Variants in GRID2 observed in about 807,000 individuals in gnomAD.
The protein encoded by GRID2 is glutamate ionotropic receptor delta type subunit 2.
GRID2 carries 33 observed loss-of-function variants against 114.8 expected under a neutral mutation model. The observed-to-expected ratio is 0.29, with a 90% CI of 0.22 to 0.38. GRID2 has a LOEUF of 0.38. GRID2 is among the 10% of genes least tolerant of loss of function. The pLI is 1.00. For synonymous variants in GRID2, 505 were observed against 449.9 expected (o/e 1.12, Z -1.55); for missense variants, 1,184 against 1,257.7 (o/e 0.94, Z 0.89).
At chr4:92,572,659 C>T (rs1006833992) in intron 1 of GRID2, among the ~76,000 whole-genome samples, 3 of 152,122 alleles carry the variant, frequency 2.0e-5, no homozygotes, top group African/African-American at 7.2e-5. Context: ...GTATGTTGAA[C>T]CATCCTTGCA....
intron 2 of GRID2, among the ~76,000 whole-genome samples, chr4:92,806,132 A>C (rs1740397263): frequency 6.6e-6 from 1 of 151,262 alleles, no homozygotes; most frequent in South Asian, 2.1e-4. Context: ...TCTTTGCTAT[A>C]AACTATGTCA....
At chr4:93,591,748 T>C (rs554645833) in intron 13 of GRID2, among the ~76,000 whole-genome samples, 2 of 152,350 alleles carry the variant, frequency 1.3e-5, no homozygotes, top group Non-Finnish European at 2.9e-5. Flanking sequence ...GTTATTGGTG[T>C]ATTCAGAGAT....
intron 14 of GRID2, among the ~76,000 whole-genome samples, chr4:93,714,139 T>A (rs1232055502): frequency 1.3e-5 from 2 of 152,046 alleles, no homozygotes; most frequent in East Asian, 3.9e-4. Flanking sequence ...CCTCCCTGTG[T>A]CCGTGCGTTC....
rs75692657 is a variant in GRID2 at position 93,657,774 on chromosome 4, A to C, written c.2360+31339A>C. 5.5e-4 allele frequency among the ~76,000 whole-genome samples: 84 copies of C among 152,324 alleles called. 1 individual carries two copies. Among genetic ancestry groups the C allele is most frequent in the African/African-American group, 2.0e-3 (84 of 41,572 alleles). On this transcript the variant is annotated intron_variant, in intron 14 of 15. Coordinates refer to ENST00000282020, the MANE Select transcript of GRID2 (RefSeq NM_001510.4). Reference sequence around the variant, plus strand: ...AGTTCTTACTCAAAATGTTCTACTTAAGCCTCTCCTTGGGGGACTGTCTCC... The same window carrying C: ...AGTTCTTACTCAAAATGTTCTACTTCAGCCTCTCCTTGGGGGACTGTCTCC...
At chr4:92,329,306 C>T (rs1324855063) in intron 1 of GRID2, among the ~76,000 whole-genome samples, 1 of 151,872 alleles carries the variant, frequency 6.6e-6, no homozygotes. Context: ...TCTATTTAAA[C>T]TTTGGAGTTT....
At chr4:93,441,216 C>G (rs1721591211) in intron 10 of GRID2, among the ~76,000 whole-genome samples, 1 of 151,878 alleles carries the variant, frequency 6.6e-6, no homozygotes, top group African/African-American at 2.4e-5. Flanking sequence ...AAGATAACAT[C>G]CAAGCATATA....
At position 92,995,047 on chromosome 4, in the gene GRID2, A is replaced by G. The variant is rs1268493169; in HGVS notation, c.245-89948A>G. On this transcript the variant is annotated intron_variant, in intron 2 of 15. Coordinates refer to ENST00000282020, the MANE Select transcript of GRID2 (RefSeq NM_001510.4). The stretch of plus-strand genomic sequence containing the variant: ...CCAACACACAACTGTCCTTGGAGGA[A>G]TAAAAGGTTTGCCTTTGCCTTTCTC... Among the ~76,000 whole-genome samples, 4 of 152,226 alleles carry G rather than the reference A, an allele frequency of 2.6e-5. No homozygotes were observed. In the South Asian group the frequency reaches 8.3e-4, roughly 31 times the overall value.
At chr4:92,639,497 C>CT (rs1238946486) in intron 2 of GRID2, among the ~76,000 whole-genome samples, 2 of 151,726 alleles carry the variant, frequency 1.3e-5, no homozygotes, top group African/African-American at 4.8e-5. Context: ...AAAGATCTAG[C>CT]TTCAAGTTCT....
At chr4:93,349,059 C>T (rs1760528935) in intron 8 of GRID2, among the ~76,000 whole-genome samples, 1 of 152,064 alleles carries the variant, frequency 6.6e-6, no homozygotes, top group Non-Finnish European at 1.5e-5. Flanking sequence ...TTGATAGATG[C>T]AGTCAGAATG....
intron 4 of GRID2, among the ~76,000 whole-genome samples, chr4:93,199,743 C>A (rs147826075): frequency 6.6e-6 from 1 of 152,278 alleles, no homozygotes; most frequent in Non-Finnish European, 1.5e-5. Flanking sequence ...TATCCCCATG[C>A]TGCCCAGTGT....
At chr4:92,770,361 CA>C (rs1197467851) in intron 2 of GRID2, among the ~76,000 whole-genome samples, 5 of 152,190 alleles carry the variant, frequency 3.3e-5, no homozygotes, top group African/African-American at 1.2e-4. Context: ...AACATTCCCA[CA>C]TTTTCCTTTC....
At chr4:92,973,595 T>G (rs1560759522) in intron 2 of GRID2, among the ~76,000 whole-genome samples, 2 of 152,090 alleles carry the variant, frequency 1.3e-5, no homozygotes. Flanking sequence ...CTGGAACAAG[T>G]GTAGGAAGAT....
intron 2 of GRID2, among the ~76,000 whole-genome samples, chr4:92,933,929 C>T (rs1750435187): frequency 6.6e-6 from 1 of 151,588 alleles, no homozygotes; most frequent in South Asian, 2.1e-4. Flanking sequence ...TAATTATTTA[C>T]ATTAGAAGCA....
intron 8 of GRID2, among the ~76,000 whole-genome samples, chr4:93,314,537 C>T (rs1435709107): frequency 6.6e-6 from 1 of 151,914 alleles, no homozygotes; most frequent in African/African-American, 2.4e-5. Flanking sequence ...AAATGTTCTC[C>T]CAGGCAAAAT....
intron 8 of GRID2, among the ~76,000 whole-genome samples, chr4:93,351,625 T>G (rs775243533): frequency 2.0e-5 from 3 of 152,060 alleles, no homozygotes; most frequent in Non-Finnish European, 4.4e-5. Flanking sequence ...TCAGTGATAA[T>G]AGGAAGGGCA....
chr4:93,765,368 C>T (rs1733561360), intron 14 of GRID2, among the ~76,000 whole-genome samples: 1 of 151,936 alleles, frequency 6.6e-6, no homozygotes, highest in East Asian at 1.9e-4. Flanking sequence ...TCTGTACATC[C>T]CCAAAGATGA....
Position 93,644,523 on chromosome 4 carries a change from G to C in GRID2, c.2360+18088G>C, listed in dbSNP as rs1721930012. The stretch of plus-strand genomic sequence containing the variant: ...TTCTGATGATTTTTCTCAATTTTCT[G>C]TGTATTTTCCATTAATGAACCAAGA... On this transcript the variant is annotated intron_variant, in intron 14 of 15. Coordinates refer to ENST00000282020, the MANE Select transcript of GRID2 (RefSeq NM_001510.4). 2.0e-5 allele frequency among the ~76,000 whole-genome samples: 3 copies of C among 152,044 alleles called. 1 individual carries two copies. In the South Asian group the frequency reaches 6.2e-4, roughly 32 times the overall value.
chr4:93,499,713 G>A (rs983163810), intron 12 of GRID2, among the ~76,000 whole-genome samples: 1 of 151,914 alleles, frequency 6.6e-6, no homozygotes, highest in Non-Finnish European at 1.5e-5. Context: ...CACTGCTAGA[G>A]TGCCTCTCAG....
chr4:92,790,402 A>G (rs1263959978), intron 2 of GRID2, among the ~76,000 whole-genome samples: 1 of 151,822 alleles, frequency 6.6e-6, no homozygotes, highest in Non-Finnish European at 1.5e-5. Flanking sequence ...AACATTAGAA[A>G]AAAATGTGTC....
Sources: gnomAD v4.1 joint callset for allele counts (sites outside exome capture counted in the v4.1 genomes callset) on GRCh38, gnomAD v4.1.1 for gene constraint, MANE v1.5 for transcripts, NCBI Gene and HGNC (gene_info 2026-07-23, HGNC 2026-07-21) for gene names.